Variants in COL25A1 observed in about 807,000 individuals in gnomAD.
COL25A1 encodes the protein collagen type XXV alpha 1 chain.
Under a neutral mutation model 128.4 loss-of-function variants are expected in COL25A1, and 103 were observed. The ratio of observed to expected loss-of-function variants is 0.80; its 90% confidence interval spans 0.68 to 0.94. The LOEUF is 0.94. COL25A1 is among the 40% of genes least tolerant of loss of function. The pLI, the probability that COL25A1 is intolerant of heterozygous loss-of-function variation, is 0.00. For synonymous variants in COL25A1, 279 were observed against 277.2 expected (o/e 1.01, Z -0.06); for missense variants, 745 against 840.0 (o/e 0.89, Z 1.40).
At position 109,174,258 on chromosome 4, in the gene COL25A1, A is replaced by G. The variant is rs555304837; in HGVS notation, c.368-124079T>C. Among the ~76,000 whole-genome samples, 3 of 152,310 alleles carry G rather than the reference A, an allele frequency of 2.0e-5. No individual in the cohort carries two copies. The East Asian group carries it at 5.8e-4, about 29-fold the overall frequency. On this transcript the variant is annotated intron_variant, in intron 3 of 37. Coordinates refer to ENST00000399132, the MANE Select transcript of COL25A1 (RefSeq NM_198721.4). ...GGTGTAAGGCCTAAAATAAAGCCCT[A>G]TTGTAAATGTTGCCTTGACATGTGG...
intron 8 of COL25A1, among the ~76,000 whole-genome samples, chr4:108,946,502 A>G (rs1748772586): frequency 6.6e-6 from 1 of 152,224 alleles, no homozygotes; most frequent in African/African-American, 2.4e-5. Context: ...AAATATTAGA[A>G]AGCTTTAAAA....
At chr4:108,934,629 A>T (rs1463152784) in intron 11 of COL25A1, among the ~76,000 whole-genome samples, 1 of 152,202 alleles carries the variant, frequency 6.6e-6, no homozygotes, top group Non-Finnish European at 1.5e-5. Flanking sequence ...CTTTTTAAAA[A>T]GATAGATTTT....
At chr4:109,157,845 G>A (rs947283849) in intron 3 of COL25A1, among the ~76,000 whole-genome samples, 6 of 152,166 alleles carry the variant, frequency 3.9e-5, no homozygotes, top group Non-Finnish European at 5.9e-5. Flanking sequence ...CACCTAGCAC[G>A]TGTCCATACA....
intron 3 of COL25A1, among the ~76,000 whole-genome samples, chr4:109,085,802 G>C (rs1177269094): frequency 6.6e-6 from 1 of 152,156 alleles, no homozygotes; most frequent in Non-Finnish European, 1.5e-5. Context: ...CTAGCACCAA[G>C]AATACTGCCT....
chr4:109,047,878 G>T (rs1470114819), intron 5 of COL25A1, among the ~76,000 whole-genome samples: 3 of 151,668 alleles, frequency 2.0e-5, no homozygotes, highest in Non-Finnish European at 2.9e-5. Context: ...GACTACAGGC[G>T]CCCACCAACA....
intron 3 of COL25A1, among the ~76,000 whole-genome samples, chr4:109,142,314 G>C (rs1770491666): frequency 6.6e-6 from 1 of 152,000 alleles, no homozygotes; most frequent in African/African-American, 2.4e-5. Context: ...TTTTGCATTT[G>C]CTGAGGAGTG....
chr4:108,915,441 T>A (rs1744759660), intron 13 of COL25A1, among the ~76,000 whole-genome samples: 1 of 152,198 alleles, frequency 6.6e-6, no homozygotes, highest in Admixed American at 6.5e-5. Context: ...GCTTAGGCAA[T>A]CCTCCTGCCT....
At chr4:109,182,807 C>T (rs1774786378) in intron 3 of COL25A1, among the ~76,000 whole-genome samples, 1 of 152,006 alleles carries the variant, frequency 6.6e-6, no homozygotes. Context: ...TGGTGTCTAC[C>T]CCAGCAGGTG....
In COL25A1 at chr4:108,859,811, C is replaced by A. The variant is rs762567271; in HGVS notation, c.1243-78G>T. On this transcript the variant is annotated intron_variant, in intron 23 of 37. Transcript: ENST00000399132. ...GTGGACTGTGGCAGAAACAGAAATA[C>A]AACTCACAGCTCTCTCTGAATATCA... The A allele has an allele frequency of 4.2e-4, 393 of 942,908 alleles. 2 individuals carry two copies. The highest frequency in any genetic ancestry group is 8.5e-4 in the Middle Eastern group (4 of 4,722). 58.4% of individuals were successfully genotyped at this position (942,908 alleles called of 1,614,324 possible). A position where few individuals can be genotyped will look rare whatever the true frequency, so the allele number is the denominator to read the frequency against.
intron 3 of COL25A1, among the ~76,000 whole-genome samples, chr4:109,062,844 A>G (rs1478594692): frequency 6.6e-6 from 1 of 152,212 alleles, no homozygotes; most frequent in Non-Finnish European, 1.5e-5. Context: ...ATGAAAATGG[A>G]TTACTATAAA....
At position 109,079,441 on chromosome 4, in the gene COL25A1, ATGT is replaced by A. The variant is rs143560546; in HGVS notation, c.368-29265_368-29263del. Among the ~76,000 whole-genome samples, 1,307 of 152,316 alleles carry A rather than the reference ATGT, an allele frequency of 8.6e-3. 11 individuals carry two copies. Among genetic ancestry groups the A allele is most frequent in the African/African-American group, 0.029 (1,193 of 41,570 alleles). On this transcript the variant is annotated intron_variant, in intron 3 of 37. Transcript: ENST00000399132. ...ACATTCGTTTATTCAACAACAAAAA[ATGT>A]TGTCATTTTATGGGCTAGGTACTGT...
intron 3 of COL25A1, among the ~76,000 whole-genome samples, chr4:109,073,157 C>T (rs566359937): frequency 2.6e-5 from 4 of 151,996 alleles, no homozygotes; most frequent in South Asian, 4.2e-4. Flanking sequence ...GGGGGAGGGG[C>T]GCATGTGCAT....
intron 3 of COL25A1, among the ~76,000 whole-genome samples, chr4:109,178,835 C>CAAA (rs34132262): frequency 0.064 from 3,021 of 47,566 alleles, 211 homozygotes; most frequent in African/African-American, 0.18. Flanking sequence ...ACTCCATCTC[C>CAAA]AAAAAAAAAA....
chr4:108,874,125 C>T (rs896888078), intron 19 of COL25A1, among the ~76,000 whole-genome samples: 3 of 152,070 alleles, frequency 2.0e-5, no homozygotes, highest in Admixed American at 6.5e-5. Context: ...GAGACCAGGT[C>T]GGGGAAGAAG....
intron 3 of COL25A1, among the ~76,000 whole-genome samples, chr4:109,151,083 A>T (rs1357912907): frequency 1.3e-5 from 2 of 152,170 alleles, no homozygotes; most frequent in Non-Finnish European, 2.9e-5. Context: ...AATTCTAAAA[A>T]TGCCACAGAT....
rs113595486 is a variant in COL25A1, at chr4:109,058,988, T to C, written c.368-8809A>G. ...GGGTAACGCAGAAGTCTGGACCCAG[T>C]GAAATAAGCACGAAGGCACAGGCAT... is the stretch of plus-strand genomic sequence containing the variant. On this transcript the variant is annotated intron_variant, in intron 3 of 37. Transcript: ENST00000399132. Among the ~76,000 whole-genome samples the C allele has an allele frequency of 4.8e-3, 734 of 152,088 alleles. 3 individuals are homozygous for C. Among genetic ancestry groups the C allele is most frequent in the African/African-American group, 0.017 (687 of 41,470 alleles).
At position 109,284,858 on chromosome 4, in the gene COL25A1, T is replaced by C. The variant is rs562306230; in HGVS notation, c.367+15725A>G. ...ACCCAGGAAAAAAAAAAAAAACCTATACAATAAAGAGTGAGGAAGACAGGA... is the reference window on the plus strand; with the variant it reads ...ACCCAGGAAAAAAAAAAAAAACCTACACAATAAAGAGTGAGGAAGACAGGA... On this transcript the variant is annotated intron_variant, in intron 3 of 37. Transcript: ENST00000399132. 3.4e-5 allele frequency among the ~76,000 whole-genome samples: 5 copies of C among 147,084 alleles called. No homozygotes were observed. The South Asian group carries it at 8.5e-4, about 25-fold the overall frequency.
At chr4:109,091,125 AAAGTC>A (rs1181828364) in intron 3 of COL25A1, among the ~76,000 whole-genome samples, 2 of 152,202 alleles carry the variant, frequency 1.3e-5, no homozygotes, top group Non-Finnish European at 2.9e-5. Context: ...GCTTCAGAAT[AAAGTC>A]TAGTCAACAG....
chr4:108,915,492 T>A (rs1259839779), intron 13 of COL25A1, among the ~76,000 whole-genome samples: 1 of 152,214 alleles, frequency 6.6e-6, no homozygotes, highest in Non-Finnish European at 1.5e-5. Flanking sequence ...TGGGCCACCT[T>A]TCCTGGCCAG....
Sources: allele counts gnomAD v4.1 joint callset (sites outside exome capture counted in the v4.1 genomes callset), GRCh38; gene constraint gnomAD v4.1.1; transcripts MANE v1.5; gene names NCBI Gene and HGNC (gene_info 2026-07-23, HGNC 2026-07-21).